REPS2: variants seen among roughly 807,000 people sequenced by gnomAD.
The protein encoded by REPS2 is ralBP1-associated Eps domain-containing protein 2.
A neutral mutation model predicts 53.6 loss-of-function variants in REPS2; 23 were observed. The observed-to-expected ratio is 0.43, with a 90% CI of 0.31 to 0.61. The LOEUF (loss-of-function observed/expected upper bound fraction) is 0.61, where lower values mean the gene tolerates loss of function less well. Ranked by LOEUF, REPS2 falls within the 20% of genes least tolerant of loss-of-function variation. The pLI is 0.11. For missense variants in REPS2, 446 were observed against 534.9 expected (o/e 0.83, Z 1.64); for synonymous variants, 238 against 218.6 (o/e 1.09, Z -0.78).
In REPS2 at chrX:17,006,453, A is replaced by G. The variant is rs1279584426; in HGVS notation, c.397+109A>G. The G allele has an allele frequency of 1.6e-5, 12 of 747,494 alleles. No individual in the cohort carries two copies. The East Asian group carries it at 4.3e-4, about 27-fold the overall frequency. 61.6% of individuals were successfully genotyped at this position (747,494 alleles called of 1,213,427 possible). ...GTGGAATTTCTCCTTGCTTCCTCCA[A>G]CTCTTCTGCAAAATAAAATAAGAAA... On this transcript the variant is annotated intron_variant, in intron 2 of 17. Coordinates refer to ENST00000357277, the MANE Select transcript of REPS2 (RefSeq NM_004726.3).
chrX:17,135,459 G>A (rs924763242), intron 16 of REPS2, 53 bp downstream of exon 16: 2 of 1,139,905 alleles, frequency 1.8e-6, no homozygotes, highest in Non-Finnish European at 2.4e-6. Flanking sequence ...CTGAGATGTC[G>A]ACGGATATGT....
chrX:16,981,480 G>A (rs1461563064), intron 1 of REPS2, among the ~76,000 whole-genome samples: 2 of 112,948 alleles, frequency 1.8e-5, no homozygotes, highest in Admixed American at 9.3e-5. Flanking sequence ...CTTAATTTAC[G>A]TGTTCTCTAG....
intron 6 of REPS2, among the ~76,000 whole-genome samples, chrX:17,048,927 G>C (rs1569147343): frequency 9.0e-6 from 1 of 111,521 alleles, no homozygotes; most frequent in Non-Finnish European, 1.9e-5. Context: ...ATGGAGTCTT[G>C]CTCTGTCGCC....
chrX:17,096,165 C>G (rs1385305269), intron 13 of REPS2, among the ~76,000 whole-genome samples: 2 of 111,475 alleles, frequency 1.8e-5, no homozygotes, highest in Non-Finnish European at 1.9e-5. Flanking sequence ...TGATAGTACC[C>G]TCAGATTTCT....
chrX:16,946,692 C>T lies in REPS2; in HGVS notation c.-170C>T. ...GCCCGGGGGTGGGGCCGGCGCGCGC[C>T]GGGAGGAAGCGGCCGCGCGGCAGCT... On this transcript the variant is annotated 5_prime_UTR_variant, in exon 1 of 18. Coordinates refer to ENST00000357277, the MANE Select transcript of REPS2 (RefSeq NM_004726.3). 2.1e-6 allele frequency: 1 copy of T among 468,466 alleles called. No individual in the cohort carries two copies. Among genetic ancestry groups the T allele is most frequent in the Non-Finnish European group, 2.6e-6 (1 of 384,668 alleles). The allele number at this position is 468,466 out of a possible 1,213,427, so 38.6% of individuals were successfully genotyped here.
In REPS2 at chrX:17,148,826, T is replaced by C; in HGVS notation, c.*1345T>C. 9.2e-6 allele frequency: 3 copies of C among 327,777 alleles called. No homozygotes were observed. The highest frequency in any genetic ancestry group is 1.2e-5 in the Non-Finnish European group (2 of 170,625). The allele number at this position is 327,777 out of a possible 1,213,427, so 27.0% of individuals were successfully genotyped here. ...GGCAAGAAATGCTGTCTCTTGTGCA[T>C]TTTACTAATTTCCCCATTCTTAGGG... On this transcript the variant is annotated 3_prime_UTR_variant, in exon 18 of 18. Transcript: ENST00000357277.
chrX:17,142,016 T>A (rs2063453702), intron 17 of REPS2, among the ~76,000 whole-genome samples: 1 of 111,997 alleles, frequency 8.9e-6, no homozygotes, highest in East Asian at 2.8e-4. Context: ...GTAATCAAGA[T>A]GCTGATGCAC....
chrX:17,089,460 A>G (rs2062587013), intron 13 of REPS2, among the ~76,000 whole-genome samples: 1 of 112,014 alleles, frequency 8.9e-6, no homozygotes, highest in South Asian at 3.7e-4. Context: ...AATTTATCAA[A>G]TAGTGCAACT....
intron 2 of REPS2, among the ~76,000 whole-genome samples, chrX:17,019,999 C>T (rs1344046549): frequency 8.9e-6 from 1 of 111,836 alleles, no homozygotes; most frequent in African/African-American, 3.3e-5. Flanking sequence ...TTGGAACCAC[C>T]TGACCAAAGA....
At chrX:17,075,170 A>G (rs1223398166) in intron 12 of REPS2, among the ~76,000 whole-genome samples, 1 of 112,295 alleles carries the variant, frequency 8.9e-6, no homozygotes, top group Non-Finnish European at 1.9e-5. Flanking sequence ...TCTGTGGTCA[A>G]CACATTTACT....
chrX:16,968,147 C>T (rs2060799232), intron 1 of REPS2, among the ~76,000 whole-genome samples: 1 of 111,269 alleles, frequency 9.0e-6, no homozygotes, highest in Non-Finnish European at 1.9e-5. Context: ...TCAGAGAGCA[C>T]CGGGTTGGGG....
At chrX:16,976,216 T>C (rs1309911927) in intron 1 of REPS2, among the ~76,000 whole-genome samples, 2 of 112,193 alleles carry the variant, frequency 1.8e-5, no homozygotes, top group African/African-American at 6.5e-5. Flanking sequence ...TTATTTGCTA[T>C]ATACTAACAG....
chrX:17,046,943 T>A (rs1427216057), intron 5 of REPS2, among the ~76,000 whole-genome samples: 2 of 112,396 alleles, frequency 1.8e-5, no homozygotes, highest in Admixed American at 1.9e-4. Context: ...GATGTGGTTA[T>A]AGTTGTTCTA....
chrX:17,147,478 G>A lies in REPS2; in HGVS notation c.1980G>A (p.Leu660=), dbSNP rs2148181136. 4 of 1,197,364 alleles carry A rather than the reference G, an allele frequency of 3.3e-6. No homozygotes were observed. In the East Asian group the frequency reaches 1.2e-4, roughly 36 times the overall value. The change falls in exon 18 of 18, where the codon TTG becomes TTA. Residue 660 remains leucine, a synonymous_variant. Coordinates refer to ENST00000357277, the MANE Select transcript of REPS2 (RefSeq NM_004726.3). ...AACAACTTCGTCCGGTCACTGTGTT[G>A]TGACCCCCCCATGGTTCAAGTGACA... The part of the protein sequence containing the change: ...QLEQLRPVTV[L]
downstream of REPS2, among the ~76,000 whole-genome samples, chrX:17,158,127 G>T (rs1408096097): frequency 8.9e-6 from 1 of 111,969 alleles, no homozygotes; most frequent in Non-Finnish European, 1.9e-5. Flanking sequence ...ACATACACAC[G>T]TGCACCAAAT....
the REPS2 span, among the ~76,000 whole-genome samples, chrX:17,172,975 A>ATGTATGTG: frequency 1.0e-5 from 1 of 99,284 alleles, no homozygotes; most frequent in African/African-American, 3.7e-5. Context: ...GTGTGTATGT[A>ATGTATGTG]TGTGTGTGTG....
At chrX:17,110,553 G>A (rs962515196) in intron 14 of REPS2, among the ~76,000 whole-genome samples, 9 of 106,446 alleles carry the variant, frequency 8.5e-5, no homozygotes, top group Non-Finnish European at 1.2e-4. Flanking sequence ...TTAGCCGGGC[G>A]GGGTGGCAGG....
At chrX:17,191,163 A>G in the REPS2 span, among the ~76,000 whole-genome samples, 13 of 112,100 alleles carry the variant, frequency 1.2e-4, no homozygotes, top group African/African-American at 4.2e-4. Flanking sequence ...TGTTAAGAGA[A>G]TGTAAAGACA....
At chrX:17,042,930 G>C (rs918512896) in intron 5 of REPS2, among the ~76,000 whole-genome samples, 4 of 110,817 alleles carry the variant, frequency 3.6e-5, no homozygotes, top group Non-Finnish European at 7.6e-5. Flanking sequence ...TGAGTAGCTG[G>C]AACTACAAGT....
Sources: gnomAD v4.1 joint callset for allele counts (sites outside exome capture counted in the v4.1 genomes callset) on GRCh38, gnomAD v4.1.1 for gene constraint, MANE v1.5 for transcripts, NCBI Gene and HGNC (gene_info 2026-07-23, HGNC 2026-07-21) for gene names.